ME3: variants seen among roughly 807,000 people sequenced by gnomAD.
ME3 encodes the protein malic enzyme 3.
ME3 carries 48 observed loss-of-function variants against 68.9 expected under a neutral mutation model. That is an observed-to-expected ratio of 0.70 (90% CI 0.55 to 0.89). The LOEUF (loss-of-function observed/expected upper bound fraction) is 0.89, where lower values mean the gene tolerates loss of function less well. Ranked by LOEUF, ME3 falls within the 40% of genes least tolerant of loss-of-function variation. The pLI is 0.00. For missense variants in ME3, 675 were observed against 797.4 expected (o/e 0.85, Z 1.85); for synonymous variants, 320 against 318.8 (o/e 1.00, Z -0.04).
chr11:86,518,590 G>A (rs1372262007), intron 4 of ME3, among the ~76,000 whole-genome samples: 1 of 152,178 alleles, frequency 6.6e-6, no homozygotes, highest in African/African-American at 2.4e-5. Context: ...CCATGTATAT[G>A]TAAAACTAAC....
intron 2 of ME3, among the ~76,000 whole-genome samples, chr11:86,585,911 C>T (rs1302275790): frequency 1.3e-5 from 2 of 152,106 alleles, no homozygotes; most frequent in Non-Finnish European, 2.9e-5. Flanking sequence ...GGATGTGTTT[C>T]AGGAAGGAAG....
At chr11:86,504,224 C>G (rs558153200) in intron 5 of ME3, among the ~76,000 whole-genome samples, 1 of 152,202 alleles carries the variant, frequency 6.6e-6, no homozygotes, top group East Asian at 1.9e-4. Context: ...CTAAAGATAC[C>G]TGTGCCTTGA....
At chr11:86,656,857 G>A (rs1187368267) in intron 2 of ME3, among the ~76,000 whole-genome samples, 7 of 147,718 alleles carry the variant, frequency 4.7e-5, no homozygotes, top group South Asian at 4.3e-4. Flanking sequence ...ATAAACATAT[G>A]AAAAAAAAAA....
At chr11:86,571,443 A>G (rs929904231) in intron 2 of ME3, among the ~76,000 whole-genome samples, 3 of 152,362 alleles carry the variant, frequency 2.0e-5, no homozygotes, top group Admixed American at 6.5e-5. Context: ...TAGTCTGCTC[A>G]GTGCTGCAAT....
rs549120153 is a variant in ME3 at position 86,517,763 on chromosome 11, T to G, written c.468-8896A>C. Among the ~76,000 whole-genome samples, 5 of 152,276 alleles carry G rather than the reference T, an allele frequency of 3.3e-5. No individual in the cohort carries two copies. In the South Asian group the frequency reaches 1.0e-3, roughly 32 times the overall value. On this transcript the variant is annotated intron_variant, in intron 4 of 14. Transcript: ENST00000543262. ...CATATCTCCTTCCACTAGACTCATG[T>G]TCCCTGAGGGCAGGATGACATTTGT...
chr11:86,459,980 C>A (rs954881042), intron 8 of ME3, among the ~76,000 whole-genome samples: 1 of 152,202 alleles, frequency 6.6e-6, no homozygotes, highest in Non-Finnish European at 1.5e-5. Flanking sequence ...CAGGGACCCA[C>A]GGAAACTGGG....
chr11:86,533,525 C>T (rs1955413257), intron 4 of ME3, among the ~76,000 whole-genome samples: 1 of 152,096 alleles, frequency 6.6e-6, no homozygotes, highest in Admixed American at 6.5e-5. Context: ...CAAAGAAAAA[C>T]CCAGGACCAG....
intron 6 of ME3, among the ~76,000 whole-genome samples, chr11:86,490,002 G>A (rs1393276223): frequency 6.6e-6 from 1 of 152,214 alleles, no homozygotes; most frequent in African/African-American, 2.4e-5. Context: ...AAGCTGGGCT[G>A]TTGGGTCCAG....
intron 2 of ME3, among the ~76,000 whole-genome samples, chr11:86,560,391 A>G (rs1377570440): frequency 6.6e-6 from 1 of 152,122 alleles, no homozygotes; most frequent in Non-Finnish European, 1.5e-5. Context: ...GCCTCCCCAG[A>G]CATGTGGAAC....
At chr11:86,473,998 AAC>A (rs1950921653) in intron 7 of ME3, among the ~76,000 whole-genome samples, 1 of 152,234 alleles carries the variant, frequency 6.6e-6, no homozygotes, top group Non-Finnish European at 1.5e-5. Flanking sequence ...AGAGATTTCA[AAC>A]ACTGGTTGGA....
At chr11:86,645,283 C>A (rs1309235273) in intron 2 of ME3, among the ~76,000 whole-genome samples, 5 of 152,186 alleles carry the variant, frequency 3.3e-5, no homozygotes, top group African/African-American at 9.7e-5. Flanking sequence ...ATCCCACCCC[C>A]ACAGAGCCCA....
chr11:86,643,230 C>T (rs1944780040), intron 2 of ME3, among the ~76,000 whole-genome samples: 1 of 152,132 alleles, frequency 6.6e-6, no homozygotes, highest in African/African-American at 2.4e-5. Flanking sequence ...GTCTAAAGTT[C>T]AAATCCTATA....
At chr11:86,552,569 G>C (rs1236390939) in intron 4 of ME3, among the ~76,000 whole-genome samples, 1 of 152,068 alleles carries the variant, frequency 6.6e-6, no homozygotes, top group African/African-American at 2.4e-5. Context: ...CCTTATTCTT[G>C]ATGTTTCCTC....
exon 10 of ME3, chr11:86,449,951 C>T: frequency 6.2e-7 from 1 of 1,614,084 alleles, no homozygotes; most frequent in East Asian, 2.2e-5. Context: ...GCCTTCGGTA[C>T]ACCTTCTTTC....
At chr11:86,651,939 T>C (rs898492728) in intron 2 of ME3, among the ~76,000 whole-genome samples, 2 of 152,128 alleles carry the variant, frequency 1.3e-5, no homozygotes, top group African/African-American at 4.8e-5. Context: ...GAGAACCACA[T>C]GACGAATGCA....
intron 2 of ME3, among the ~76,000 whole-genome samples, chr11:86,598,095 C>T (rs1237416088): frequency 3.3e-5 from 5 of 152,120 alleles, no homozygotes; most frequent in Non-Finnish European, 4.4e-5. Context: ...AGACAGTGGG[C>T]GCAGGACAGT....
intron 2 of ME3, among the ~76,000 whole-genome samples, chr11:86,583,033 C>G (rs1463942795): frequency 6.6e-6 from 1 of 152,024 alleles, no homozygotes; most frequent in Admixed American, 6.6e-5. Context: ...ATTTCCGAAG[C>G]ATTTTTATGG....
chr11:86,590,458 C>G (rs890436444), intron 2 of ME3, among the ~76,000 whole-genome samples: 1 of 152,168 alleles, frequency 6.6e-6, no homozygotes, highest in East Asian at 1.9e-4. Flanking sequence ...CTGGGAGGAG[C>G]AGTGGGGAAA....
intron 6 of ME3, among the ~76,000 whole-genome samples, chr11:86,495,746 C>T (rs1952286047): frequency 6.6e-6 from 1 of 152,190 alleles, no homozygotes; most frequent in South Asian, 2.1e-4. Context: ...AACCTCCTGT[C>T]TCCTGAGCTG....
Sources: gnomAD v4.1 joint callset for allele counts (sites outside exome capture counted in the v4.1 genomes callset) on GRCh38, gnomAD v4.1.1 for gene constraint, MANE v1.5 for transcripts, NCBI Gene and HGNC (gene_info 2026-07-23, HGNC 2026-07-21) for gene names.